The following POLR1A variants were observed in gnomAD, a reference collection of about 807,000 sequenced individuals.
The protein encoded by POLR1A is DNA-directed RNA polymerase I subunit RPA1.
POLR1A carries 84 observed loss-of-function variants against 205.3 expected under a neutral mutation model. The ratio of observed to expected loss-of-function variants is 0.41; its 90% confidence interval spans 0.34 to 0.49. POLR1A has a LOEUF of 0.49. Among genes scored for constraint, POLR1A ranks in the 20% least tolerant of loss-of-function variants. POLR1A has a pLI of 0.22. For missense variants in POLR1A, 1,645 were observed against 2,204.5 expected, an observed-to-expected ratio of 0.75 and a Z score of 5.08; for synonymous variants, 799 against 863.7, an observed-to-expected ratio of 0.93 and a Z score of 1.31.
chr2:86,095,730 CTTTTT>C (rs3077170), intron 3 of POLR1A, among the ~76,000 whole-genome samples: 2 of 141,660 alleles, frequency 1.4e-5, no homozygotes, highest in Non-Finnish European at 1.5e-5. Context: ...ATATTCTTTT[CTTTTT>C]TTTTTTTTTT....
At chr2:86,089,739 GA>G (rs1397103951) in intron 4 of POLR1A, 82 bp downstream of exon 4, 1 of 865,016 alleles carries the variant, frequency 1.2e-6, no homozygotes, top group African/African-American at 1.7e-5. Context: ...TGGGAAGCCA[GA>G]AGTATATGCA....
At position 86,043,128 on chromosome 2, in the gene POLR1A, T is replaced by C; in HGVS notation, c.3203A>G (p.His1068Arg). 1 of 1,614,062 alleles carries C rather than the reference T, an allele frequency of 6.2e-7. No homozygotes were observed. Among genetic ancestry groups the C allele is most frequent in the Non-Finnish European group, 8.5e-7 (1 of 1,179,980 alleles). ...TTGCCATTTTTTGATAGCTCTGAAG[T>C]GGTGGAGAGCTTTTTTGGGATCTGC... is the stretch of plus-strand genomic sequence containing the variant. The part of the protein sequence containing the change: ...SRADPKKALH[H>R]FRAIKKWQSK... The change falls in exon 23 of 34, where the codon CAC becomes CGC. Residue 1068 changes from histidine (H) to arginine (R), a missense_variant. Physicochemically the swap from His to Arg is conservative, Grantham distance 29. This residue lies in a region of POLR1A where 201 missense variants were observed against 222.3 expected (regional missense o/e 0.90). Coordinates refer to ENST00000263857, the MANE Select transcript of POLR1A (RefSeq NM_015425.6).
chr2:86,056,921 T>C (rs1397666770), intron 14 of POLR1A, among the ~76,000 whole-genome samples: 2 of 152,220 alleles, frequency 1.3e-5, no homozygotes, highest in African/African-American at 2.4e-5. Context: ...TCTGAAGATA[T>C]GCAAGGAAAT....
intron 14 of POLR1A, among the ~76,000 whole-genome samples, chr2:86,059,326 A>G (rs1020660810): frequency 7.2e-5 from 11 of 152,176 alleles, no homozygotes; most frequent in Non-Finnish European, 1.6e-4. Context: ...AGACTGTCTG[A>G]TATAATGGAG....
intron 7 of POLR1A, among the ~76,000 whole-genome samples, chr2:86,081,978 C>T (rs948252553): frequency 2.0e-5 from 3 of 151,960 alleles, no homozygotes; most frequent in South Asian, 2.1e-4. Context: ...ACTACAGGTG[C>T]GTGCTATCAT....
intron 6 of POLR1A, among the ~76,000 whole-genome samples, chr2:86,086,585 T>G (rs1321529489): frequency 6.6e-6 from 1 of 152,208 alleles, no homozygotes; most frequent in Admixed American, 6.5e-5. Flanking sequence ...GGCATAATGC[T>G]GAGCACCCAA....
intron 1 of POLR1A, among the ~76,000 whole-genome samples, chr2:86,103,199 A>G (rs1673854111): frequency 6.6e-6 from 1 of 152,226 alleles, no homozygotes; most frequent in South Asian, 2.1e-4. Flanking sequence ...CTAGAAGCCC[A>G]CTAAGGAGGA....
intron 6 of POLR1A, among the ~76,000 whole-genome samples, chr2:86,085,674 A>G (rs1673492309): frequency 6.6e-6 from 1 of 152,204 alleles, no homozygotes; most frequent in South Asian, 2.1e-4. Flanking sequence ...CTGTTCTTCA[A>G]TCACAGGATC....
intron 28 of POLR1A, 34 bp downstream of exon 28, chr2:86,033,627 G>C: frequency 6.2e-7 from 1 of 1,607,620 alleles, no homozygotes; most frequent in Non-Finnish European, 8.5e-7. Flanking sequence ...GGCTGTCCCT[G>C]TGCAACTCTA....
At position 86,027,387 on chromosome 2, in the gene POLR1A, G is replaced by C. The variant is rs1369343533; in HGVS notation, c.*36C>G. 1 of 1,542,842 alleles carries C rather than the reference G, an allele frequency of 6.5e-7. No individual in the cohort carries two copies. Among genetic ancestry groups the C allele is most frequent in the African/African-American group, 1.4e-5 (1 of 73,708 alleles). ...AGGCTGGGCCACGCCCTCACCAAGG[G>C]TCCTTGGAGCTGGGCAGATGGTGCC... is the stretch of plus-strand genomic sequence containing the variant. On this transcript the variant is annotated 3_prime_UTR_variant, in exon 34 of 34. Coordinates refer to ENST00000263857, the MANE Select transcript of POLR1A (RefSeq NM_015425.6).
chr2:86,046,490 A>C (rs1219301598), intron 19 of POLR1A, among the ~76,000 whole-genome samples: 1 of 152,286 alleles, frequency 6.6e-6, no homozygotes. Flanking sequence ...GACCCTCTCA[A>C]GGTCACCAAG....
At chr2:86,076,422 C>A (rs1426355990) in intron 11 of POLR1A, among the ~76,000 whole-genome samples, 1 of 152,230 alleles carries the variant, frequency 6.6e-6, no homozygotes, top group Non-Finnish European at 1.5e-5. Flanking sequence ...TCTGTCTCCA[C>A]CCCTGGACAC....
chr2:86,029,124 G>A (rs989573389), intron 31 of POLR1A, among the ~76,000 whole-genome samples: 2 of 152,252 alleles, frequency 1.3e-5, no homozygotes, highest in Admixed American at 6.5e-5. Context: ...CAGCCGCACA[G>A]GCATGTGCTG....
At position 86,081,858 on chromosome 2, in the gene POLR1A, T is replaced by C. The variant is rs1010725955; in HGVS notation, c.818-152A>G. 8.2e-6 allele frequency: 5 copies of C among 606,968 alleles called. No individual in the cohort carries two copies. The East Asian group carries it at 8.4e-5, about 10-fold the overall frequency. The allele number at this position is 606,968 out of a possible 1,614,324, so 37.6% of individuals were successfully genotyped here. Reference sequence around the variant, plus strand: ...CACAGTTTTCTTTTTTGAGAAAAGGTCTCACTCCTGTCGCCCAGGCTGCTG... The same window carrying C: ...CACAGTTTTCTTTTTTGAGAAAAGGCCTCACTCCTGTCGCCCAGGCTGCTG... On this transcript the variant is annotated intron_variant, in intron 7 of 33. Coordinates refer to ENST00000263857, the MANE Select transcript of POLR1A (RefSeq NM_015425.6).
chr2:86,070,382 T>A lies in POLR1A; in HGVS notation c.1612-110A>T. The A allele has an allele frequency of 8.4e-7, 1 of 1,189,682 alleles. No individual in the cohort carries two copies. The highest frequency in any genetic ancestry group is 1.2e-6 in the Non-Finnish European group (1 of 847,210). The allele number at this position is 1,189,682 out of a possible 1,614,324, so 73.7% of individuals were successfully genotyped here. A position where few individuals can be genotyped will look rare whatever the true frequency, so the allele number is the denominator to read the frequency against. ...AAGGTGTGGCTTTTGTCTCACGTTC[T>A]AGTTAACTAAATGCAAGGGGAATTT... On this transcript the variant is annotated intron_variant, in intron 12 of 33. Transcript: ENST00000263857. The surrounding 1 kb of genome is among the most constrained non-coding windows in gnomAD (Gnocchi z 4.4).
At chr2:86,103,230 A>C (rs77621359) in intron 1 of POLR1A, among the ~76,000 whole-genome samples, 5,267 of 152,226 alleles carry the variant, frequency 0.035, 221 homozygotes, top group East Asian at 0.23. Flanking sequence ...AGGCTGAAGG[A>C]GTTGAGGGAG....
intron 19 of POLR1A, 71 bp downstream of exon 19, chr2:86,047,094 A>C: frequency 1.1e-5 from 11 of 1,020,912 alleles, no homozygotes; most frequent in Non-Finnish European, 1.7e-5. Flanking sequence ...AACAAACTGA[A>C]ACCACCTCCT....
At chr2:86,058,614 A>C (rs1419888116) in intron 14 of POLR1A, among the ~76,000 whole-genome samples, 1 of 151,094 alleles carries the variant, frequency 6.6e-6, no homozygotes, top group African/African-American at 2.4e-5. Context: ...GAAATGTATA[A>C]TTTACTTTCT....
In POLR1A at chr2:86,023,331, T is replaced by C. The variant is rs1423801681; in HGVS notation, c.*4092A>G. ...CTGCAGAGGTGGTATCACTCAACGA[T>C]GAAAGACTCAACGAACCAGCCTTTA... On this transcript the variant is annotated 3_prime_UTR_variant, in exon 34 of 34. Coordinates refer to ENST00000263857, the MANE Select transcript of POLR1A (RefSeq NM_015425.6). 1 of 152,220 alleles carries C rather than the reference T, an allele frequency of 6.6e-6. No homozygotes were observed. Among genetic ancestry groups the C allele is most frequent in the Non-Finnish European group, 1.5e-5 (1 of 68,040 alleles). 9.4% of individuals were successfully genotyped at this position (152,220 alleles called of 1,614,324 possible). A position where few individuals can be genotyped will look rare whatever the true frequency, so the allele number is the denominator to read the frequency against.
Sources: gnomAD v4.1 joint callset for allele counts (sites outside exome capture counted in the v4.1 genomes callset) on GRCh38, gnomAD v4.1.1 for gene constraint, gnomAD v4.1.1 regional missense constraint, Gnocchi (gnomAD v3.1) non-coding constraint, MANE v1.5 for transcripts, NCBI Gene and HGNC (gene_info 2026-07-23, HGNC 2026-07-21) for gene names.